TGS1: variants seen among roughly 807,000 people sequenced by gnomAD.
TGS1 encodes the protein trimethylguanosine synthase 1.
Under a neutral mutation model 92.2 loss-of-function variants are expected in TGS1, and 69 were observed. The ratio of observed to expected loss-of-function variants is 0.75; its 90% CI spans 0.62 to 0.91. The LOEUF (loss-of-function observed/expected upper bound fraction) is 0.91, where lower values mean the gene tolerates loss of function less well. TGS1 is among the 40% of genes least tolerant of loss of function. The pLI is 0.00. For missense variants in TGS1, 1,062 were observed against 1,001.2 expected, an observed-to-expected ratio of 1.06 and a Z score of -0.82; for synonymous variants, 345 against 338.1, an observed-to-expected ratio of 1.02 and a Z score of -0.22.
At chr8:55,788,735 G>A (rs1811790229) in intron 4 of TGS1, among the ~76,000 whole-genome samples, 1 of 152,060 alleles carries the variant, frequency 6.6e-6, no homozygotes, top group Admixed American at 6.6e-5. Flanking sequence ...AAGTGCATAG[G>A]CGTGAGCCAC....
chr8:55,798,701 T>C (rs1812127215), intron 7 of TGS1, among the ~76,000 whole-genome samples: 1 of 152,178 alleles, frequency 6.6e-6, no homozygotes, highest in Non-Finnish European at 1.5e-5. Flanking sequence ...TTTTTTTCCT[T>C]TTAAAGAAAA....
At chr8:55,817,373 T>C (rs1803510349) in intron 12 of TGS1, among the ~76,000 whole-genome samples, 1 of 152,212 alleles carries the variant, frequency 6.6e-6, no homozygotes, top group Non-Finnish European at 1.5e-5. Context: ...TATATAAGAA[T>C]AGAGTTGTAA....
chr8:55,820,437 C>A (rs1375572853), intron 12 of TGS1, among the ~76,000 whole-genome samples: 1 of 152,096 alleles, frequency 6.6e-6, no homozygotes, highest in Non-Finnish European at 1.5e-5. Context: ...ACTCGGCAGG[C>A]TGAGGCAGGA....
At chr8:55,800,213 A>G (rs1215534539) in intron 8 of TGS1, among the ~76,000 whole-genome samples, 1 of 151,752 alleles carries the variant, frequency 6.6e-6, no homozygotes, top group East Asian at 1.9e-4. Context: ...ATATTTCTTT[A>G]CATTCTAAAC....
intron 2 of TGS1, among the ~76,000 whole-genome samples, chr8:55,785,315 G>A (rs1012458561): frequency 2.6e-5 from 4 of 151,996 alleles, no homozygotes; most frequent in East Asian, 1.9e-4. Context: ...CTCAGCCTCC[G>A]AAAGTGCTGG....
At chr8:55,802,657 A>G (rs1812252219) in intron 9 of TGS1, 51 bp downstream of exon 9, 1 of 1,524,968 alleles carries the variant, frequency 6.6e-7, no homozygotes, top group African/African-American at 1.4e-5. Context: ...CTTCAAACTT[A>G]AAAAGAAAGT....
chr8:55,824,437 G>A, intron 12 of TGS1, 144 bp from the exon 13 acceptor site: 1 of 975,326 alleles, frequency 1.0e-6, no homozygotes, highest in Non-Finnish European at 1.5e-6. Context: ...TGCCTGGGAA[G>A]TAGCAGTGAA....
chr8:55,789,301 TAAAG>T (rs1287241993), intron 4 of TGS1, among the ~76,000 whole-genome samples: 1 of 152,214 alleles, frequency 6.6e-6, no homozygotes, highest in Non-Finnish European at 1.5e-5. Context: ...CACCATAAGT[TAAAG>T]AACTCTTCTT....
chr8:55,799,322 G>A (rs530143784), intron 8 of TGS1, 102 bp downstream of exon 8: 2 of 1,100,786 alleles, frequency 1.8e-6, no homozygotes, highest in East Asian at 2.6e-5. Context: ...TGTACCTAAG[G>A]AGTCACTGCT....
rs752698125 is a variant in TGS1 at position 55,773,575 on chromosome 8, G to A, written c.-44G>A. 5.1e-5 allele frequency: 78 copies of A among 1,520,948 alleles called. No homozygotes were observed. The highest frequency in any genetic ancestry group is 7.0e-5 in the Non-Finnish European group (78 of 1,112,412). 94.2% of individuals were successfully genotyped at this position (1,520,948 alleles called of 1,614,324 possible). A position where few individuals can be genotyped will look rare whatever the true frequency, so the allele number is the denominator to read the frequency against. On this transcript the variant is annotated 5_prime_UTR_variant, in exon 1 of 13. Transcript: ENST00000260129. ...GTAACCGAGCGGAGGCCCGGCAGGC[G>A]CGACCCGGGCTGCGTACGTCAGAGC...
intron 8 of TGS1, among the ~76,000 whole-genome samples, chr8:55,800,521 G>A (rs537446484): frequency 8.2e-4 from 125 of 152,260 alleles, no homozygotes; most frequent in African/African-American, 2.9e-3. Context: ...TTCTCATGAT[G>A]CTGGTTATTT....
intron 9 of TGS1, among the ~76,000 whole-genome samples, chr8:55,803,864 T>C (rs1812289822): frequency 6.6e-6 from 1 of 151,970 alleles, no homozygotes; most frequent in African/African-American, 2.4e-5. Context: ...GCTAATGTTT[T>C]GTAGAGACAG....
intron 7 of TGS1, 116 bp downstream of exon 7, chr8:55,796,268 A>ATTT: frequency 1.6e-5 from 10 of 633,272 alleles, no homozygotes; most frequent in South Asian, 2.5e-5. Flanking sequence ...AAGGTACATA[A>ATTT]TTTTTTTTTT....
intron 7 of TGS1, among the ~76,000 whole-genome samples, chr8:55,796,637 G>A (rs900365045): frequency 1.6e-4 from 24 of 151,800 alleles, no homozygotes; most frequent in African/African-American, 5.8e-4. Flanking sequence ...GCAGTGAGCC[G>A]AGATCGCGCC....
chr8:55,799,035 C>T lies in TGS1; in HGVS notation c.1664C>T (p.Ser555Phe), dbSNP rs905642691. 6.2e-7 allele frequency: 1 copy of T among 1,614,162 alleles called. No individual in the cohort carries two copies. The highest frequency in any genetic ancestry group is 1.1e-5 in the South Asian group (1 of 91,088). ...TSSDSEEQDM[S>F]VKKGDDLLET... ...AGTGATTCAGAGGAACAAGACATGT[C>T]TGTTAAAAAAGGTGATGACCTACTG... The change falls in exon 8 of 13, where the codon TCT (serine) becomes TTT (phenylalanine). Residue 555 changes from serine to phenylalanine, a missense_variant. Ser to Phe is a radical substitution (Grantham distance 155). Coordinates refer to ENST00000260129, the MANE Select transcript of TGS1 (RefSeq NM_024831.8).
intron 2 of TGS1, among the ~76,000 whole-genome samples, chr8:55,783,583 G>C (rs991979021): frequency 6.6e-6 from 1 of 152,136 alleles, no homozygotes; most frequent in Non-Finnish European, 1.5e-5. Flanking sequence ...ACTTTCCCAA[G>C]TAACAAATAT....
chr8:55,792,921 G>C (rs1373660456), intron 6 of TGS1, 137 bp downstream of exon 6: 1 of 623,270 alleles, frequency 1.6e-6, no homozygotes, highest in East Asian at 2.8e-5. Context: ...TTAGAATTGT[G>C]GTAGAGATAT....
intron 6 of TGS1, among the ~76,000 whole-genome samples, chr8:55,794,904 A>G (rs1240525896): frequency 1.3e-5 from 2 of 152,242 alleles, no homozygotes; most frequent in East Asian, 1.9e-4. Flanking sequence ...ATACCTACAC[A>G]TTATGAAATC....
chr8:55,797,058 G>C (rs115839083), intron 7 of TGS1, among the ~76,000 whole-genome samples: 3,534 of 152,234 alleles, frequency 0.023, 137 homozygotes, highest in African/African-American at 0.08. Flanking sequence ...TCTGTTTTAG[G>C]CTAGGTAGGT....
Sources: gnomAD v4.1 joint callset for allele counts (sites outside exome capture counted in the v4.1 genomes callset) on GRCh38, gnomAD v4.1.1 for gene constraint, MANE v1.5 for transcripts, NCBI Gene and HGNC (gene_info 2026-07-23, HGNC 2026-07-21) for gene names.